SVIL: variants seen among roughly 807,000 people sequenced by gnomAD.
SVIL encodes supervillin.
SVIL carries 101 observed loss-of-function variants against 240.4 expected under a neutral mutation model. The ratio of observed to expected loss-of-function variants is 0.42; its 90% CI spans 0.36 to 0.50. The LOEUF (loss-of-function observed/expected upper bound fraction) is 0.50. Among genes scored for constraint, SVIL ranks in the 20% least tolerant of loss-of-function variants. The probability of loss-of-function intolerance (pLI) is 0.01; values close to 1 mark genes in which losing one functional copy is unlikely to be tolerated. For synonymous variants in SVIL, 999 were observed against 1,100.0 expected, an observed-to-expected ratio of 0.91 and a Z score of 1.82; for missense variants, 2,512 against 2,818.7, an observed-to-expected ratio of 0.89 and a Z score of 2.46.
At chr10:29,555,994 A>G (rs1953898840) in intron 3 of SVIL, among the ~76,000 whole-genome samples, 2 of 152,158 alleles carry the variant, frequency 1.3e-5, no homozygotes, top group African/African-American at 2.4e-5. Context: ...AATGTTAACA[A>G]TGGTTTCCTT....
Position 29,598,840 on chromosome 10 carries a change from A to T in SVIL, c.-200-29528T>A, listed in dbSNP as rs144862339. Among the ~76,000 whole-genome samples, 185 of 151,772 alleles carry T rather than the reference A, an allele frequency of 1.2e-3. 1 individual carries two copies. Among genetic ancestry groups the T allele is most frequent in the African/African-American group, 4.3e-3 (176 of 41,350 alleles). On this transcript the variant is annotated intron_variant, in intron 1 of 37. Coordinates refer to ENST00000355867, the MANE Select transcript of SVIL (RefSeq NM_021738.3). ...GCCACAGCGGCTGTGTAGATGCTGG[A>T]CTCTGGTTGAGGAAAGAGTGAAGCG...
chr10:29,589,635 G>A (rs1317546623), intron 1 of SVIL, among the ~76,000 whole-genome samples: 1 of 152,086 alleles, frequency 6.6e-6, no homozygotes, highest in African/African-American at 2.4e-5. Flanking sequence ...GGCAAGAAAA[G>A]AAAACGAGGT....
At chr10:29,597,061 G>C (rs969409676) in intron 1 of SVIL, among the ~76,000 whole-genome samples, 1 of 152,152 alleles carries the variant, frequency 6.6e-6, no homozygotes, top group African/African-American at 2.4e-5. Context: ...CTCTAAAAAC[G>C]GTAATTCGGC....
intron 3 of SVIL, among the ~76,000 whole-genome samples, chr10:29,562,898 C>G (rs10826659): frequency 0.43 from 65,301 of 150,716 alleles, 13,734 homozygotes; most frequent in African/African-American, 0.46. Context: ...GAAGGTTAAA[C>G]GGAGAAAGAG....
In SVIL at chr10:29,550,741, G is replaced by A. The variant is rs1210893935; in HGVS notation, c.683C>T (p.Ser228Leu). ...GTCTCGCCCAGAGAAAGAGAAGGTC[G>A]AGGAACTCTCGGCTGCTGGGGACAG... ...HDLSPAAESS[S>L]TFSFSGRDSS... Residue 228 changes from serine (S) to leucine (L), a missense_variant, in exon 6 of 38, where the codon TCG becomes TTG. Ser to Leu is a moderately radical substitution (Grantham distance 145). Around this residue, in one of 3 missense-constraint regions of SVIL, gnomAD observed 1,443 missense variants for 1,486.6 expected, o/e 0.97. Coordinates refer to ENST00000355867, the MANE Select transcript of SVIL (RefSeq NM_021738.3). 1.9e-6 allele frequency: 3 copies of A among 1,614,014 alleles called. No individual in the cohort carries two copies. Among genetic ancestry groups the A allele is most frequent in the Non-Finnish European group, 2.5e-6 (3 of 1,180,026 alleles).
intron 32 of SVIL, 102 bp downstream of exon 32, chr10:29,470,174 C>T: frequency 7.3e-7 from 1 of 1,370,432 alleles, no homozygotes; most frequent in Non-Finnish European, 1.0e-6. Flanking sequence ...CAGTCACTTT[C>T]AGCACCCTGG....
At position 29,471,180 on chromosome 10, in the gene SVIL, C is replaced by T. The variant is rs769023686; in HGVS notation, c.5593G>A (p.Val1865Met). The change falls in exon 31 of 38, where the codon GTG (valine) becomes ATG (methionine). Residue 1865 changes from valine to methionine, a missense_variant. Around this residue, in one of 3 missense-constraint regions of SVIL, gnomAD observed 797 missense variants for 925.3 expected, o/e 0.86. Coordinates refer to ENST00000355867, the MANE Select transcript of SVIL (RefSeq NM_021738.3). ...TCCTCTTCCCGCCTCCCCGAGTGCA[C>T]CACCATCCCCCCCTGGAAACACTGC... ...FLQCFQGGMV[V>M]HSGRREEEEE... The T allele has an allele frequency of 6.2e-7, 1 of 1,613,992 alleles. No homozygotes were observed. Among genetic ancestry groups the T allele is most frequent in the Non-Finnish European group, 8.5e-7 (1 of 1,179,958 alleles).
At chr10:29,658,451 A>T (rs1959067961) in intron 2 of SVIL, among the ~76,000 whole-genome samples, 1 of 152,248 alleles carries the variant, frequency 6.6e-6, no homozygotes. Context: ...ATTCAAATTT[A>T]AAATCAGATC....
intron 3 of SVIL, among the ~76,000 whole-genome samples, chr10:29,642,159 G>A (rs996787532): frequency 2.6e-5 from 4 of 152,128 alleles, no homozygotes; most frequent in Non-Finnish European, 5.9e-5. Context: ...AGGACTTTGG[G>A]AGGCTGAGGC....
chr10:29,735,192 C>T lies in SVIL; in HGVS notation c.-400+559G>A, dbSNP rs967798416. Among the ~76,000 whole-genome samples, 1 of 152,136 alleles carries T rather than the reference C, an allele frequency of 6.6e-6. No individual in the cohort carries two copies. The highest frequency in any genetic ancestry group is 2.4e-5 in the African/African-American group (1 of 41,448). On this transcript the variant is annotated intron_variant, in intron 1 of 35. Transcript: ENST00000375400. The surrounding 1 kb of genome is among the most constrained non-coding windows in gnomAD (Gnocchi z 4.1). ...AACGTGGGCAGCTGGGGTGGCCTGG[C>T]GCACCACGCATCGGGTTCAAACCCG...
Position 29,486,077 on chromosome 10 carries a change from G to C in SVIL, c.4779+8C>G, listed in dbSNP as rs1325107673. The C allele has an allele frequency of 2.5e-6, 4 of 1,614,072 alleles. No homozygotes were observed. In the African/African-American group the frequency reaches 5.3e-5, roughly 22 times the overall value. On this transcript the variant is annotated splice_region_variant and intron_variant, in intron 26 of 37. Coordinates refer to ENST00000355867, the MANE Select transcript of SVIL (RefSeq NM_021738.3). ...TTCTCACTGAAGGGCAGAGCCCACG[G>C]ACTGTACCTCTTTGGGTTGCAGAAG... is the stretch of plus-strand genomic sequence containing the variant.
chr10:29,619,489 T>C (rs780091625), intron 1 of SVIL, among the ~76,000 whole-genome samples: 1 of 152,198 alleles, frequency 6.6e-6, no homozygotes, highest in Non-Finnish European at 1.5e-5. Flanking sequence ...ACAGATGGAC[T>C]GAAGGGAACC....
chr10:29,727,686 T>C (rs1298799870), intron 1 of SVIL, among the ~76,000 whole-genome samples: 1 of 151,860 alleles, frequency 6.6e-6, no homozygotes, highest in Non-Finnish European at 1.5e-5. Context: ...GTAAACATCT[T>C]TTCACTTATT....
intron 3 of SVIL, among the ~76,000 whole-genome samples, chr10:29,657,144 T>C (rs983929517): frequency 6.6e-6 from 1 of 152,190 alleles, no homozygotes; most frequent in Non-Finnish European, 1.5e-5. Flanking sequence ...CATTTGCTAT[T>C]GTGTCTCTCA....
chr10:29,509,977 A>C (rs1339629368), intron 17 of SVIL, among the ~76,000 whole-genome samples: 1 of 152,206 alleles, frequency 6.6e-6, no homozygotes, highest in African/African-American at 2.4e-5. Context: ...AATACTGCTC[A>C]TTGCAGCCTC....
rs138618331 is a variant in SVIL at position 29,700,848 on chromosome 10, C to T, written c.-399-14197G>A. 2.9e-3 allele frequency among the ~76,000 whole-genome samples: 448 copies of T among 152,204 alleles called. 3 individuals are homozygous for T. Among genetic ancestry groups the T allele is most frequent in the African/African-American group, 0.01 (424 of 41,530 alleles). Reference sequence around the variant, plus strand: ...CCCACCTGCAATCACGATTTCAGTCCTCTTGGTTATTTGAGTATTAACAAA... The same window carrying T: ...CCCACCTGCAATCACGATTTCAGTCTTCTTGGTTATTTGAGTATTAACAAA... On this transcript the variant is annotated intron_variant, in intron 1 of 35. Coordinates refer to the SVIL transcript ENST00000375400.
intron 1 of SVIL, among the ~76,000 whole-genome samples, chr10:29,577,487 T>C (rs1955753096): frequency 6.6e-6 from 1 of 152,210 alleles, no homozygotes; most frequent in Admixed American, 6.5e-5. Flanking sequence ...TCCAGCTCCA[T>C]CCAGGTTCTT....
Position 29,480,748 on chromosome 10 carries a change from TGTC to T in SVIL, c.5163_5165del (p.Thr1722del). 1 of 1,614,052 alleles carries T rather than the reference TGTC, an allele frequency of 6.2e-7. No homozygotes were observed. ...TCACTCCGTCCAGGATGGTGCCTGC[TGTC>T]GTCTGGGGCATGGACACCATCCGTG... is the stretch of plus-strand genomic sequence containing the variant. On this transcript the variant is annotated inframe_deletion, in exon 29 of 38. Transcript: ENST00000355867.
chr10:29,602,123 C>G (rs1956833376), intron 1 of SVIL: 3 of 361,954 alleles, frequency 8.3e-6, no homozygotes, highest in Non-Finnish European at 1.7e-5. Context: ...TTGCTTTTAA[C>G]AATTTATGGA....
Sources: allele counts gnomAD v4.1 joint callset (sites outside exome capture counted in the v4.1 genomes callset), GRCh38; gene constraint gnomAD v4.1.1; regional missense constraint gnomAD v4.1.1; non-coding constraint Gnocchi (gnomAD v3.1); transcripts MANE v1.5; gene names NCBI Gene and HGNC (gene_info 2026-07-23, HGNC 2026-07-21).